The following SCRIB variants were observed in gnomAD, a reference collection of about 807,000 sequenced individuals.
SCRIB encodes the protein scribble planar cell polarity protein, also known as protein scribble homolog.
SCRIB carries 72 observed loss-of-function variants against 170.0 expected under a neutral mutation model. The observed-to-expected ratio is 0.42, with a 90% CI of 0.35 to 0.52. SCRIB has a LOEUF of 0.52. Ranked by LOEUF, SCRIB falls within the 20% of genes least tolerant of loss-of-function variation. The pLI is 0.02. For synonymous variants in SCRIB, 1,298 were observed against 1,044.3 expected (o/e 1.24, Z -4.68); for missense variants, 2,475 against 2,338.5 (o/e 1.06, Z -1.20).
chr8:143,812,809 A>C lies in SCRIB; in HGVS notation c.787+8T>G. On this transcript the variant is annotated splice_region_variant and intron_variant, in intron 8 of 36. Transcript: ENST00000356994. ...GTGCCCCACCCAGGCACCCCCAGGC[A>C]CACTAACCGATGCCGTCGGGCAGCC... The C allele has an allele frequency of 6.3e-7, 1 of 1,596,632 alleles. No individual in the cohort carries two copies. Among genetic ancestry groups the C allele is most frequent in the South Asian group, 1.1e-5 (1 of 90,984 alleles).
In SCRIB at chr8:143,806,454, C is replaced by G. The variant is rs1250272664; in HGVS notation, c.2299G>C (p.Gly767Arg). 6.2e-7 allele frequency: 1 copy of G among 1,604,834 alleles called. No homozygotes were observed. The highest frequency in any genetic ancestry group is 8.5e-7 in the Non-Finnish European group (1 of 1,175,664). Residue 767 changes from glycine to arginine, a missense_variant, in exon 18 of 37, where the codon GGC becomes CGC. Physicochemically the swap from Gly to Arg is moderately radical, Grantham distance 125 (BLOSUM62 -2). Transcript: ENST00000356994. The stretch of plus-strand genomic sequence containing the variant: ...CGGACTCCAGCCCGGGCCGCAGGGC[C>G]TTCCTCGGACACCCGAGAGATGAAT... ...GIFISRVSEEGPAARAGVRVG... is the reference protein window; with the variant it reads ...GIFISRVSEERPAARAGVRVG...
At chr8:143,808,209 G>A (rs1368060798) in intron 15 of SCRIB, among the ~76,000 whole-genome samples, 3 of 152,216 alleles carry the variant, frequency 2.0e-5, no homozygotes, top group Non-Finnish European at 4.4e-5. Context: ...CACAAAGAGT[G>A]GGCAGCCATG....
In SCRIB at chr8:143,800,038, C is replaced by A. The variant is rs1046328859; in HGVS notation, c.3603+3345G>T. 5.4e-4 allele frequency among the ~76,000 whole-genome samples: 69 copies of A among 128,374 alleles called. 1 individual carries two copies. Among genetic ancestry groups the A allele is most frequent in the Admixed American group, 2.2e-3 (28 of 12,916 alleles). 84.2% of individuals were successfully genotyped at this position (128,374 alleles called of 152,430 possible). On this transcript the variant is annotated intron_variant, in intron 24 of 36. Transcript: ENST00000356994. Reference sequence around the variant, plus strand: ...GGGTCATGAATTGAAGCCCCCCCCCCACCCCACCCATGCTCTGGAGTCAGA... The same window carrying A: ...GGGTCATGAATTGAAGCCCCCCCCCAACCCCACCCATGCTCTGGAGTCAGA...
rs751092829 is a variant in SCRIB, at chr8:143,809,725, C to T, written c.1531-7G>A. 16 of 1,606,506 alleles carry T rather than the reference C, an allele frequency of 1.0e-5. No homozygotes were observed. The highest frequency in any genetic ancestry group is 4.5e-5 in the East Asian group (2 of 44,826). ...CGGCACTCAGCCGCTTCTCCTGCGG[C>T]GGGAAGTGGGGTCAGGCTTCGACGG... is the stretch of plus-strand genomic sequence containing the variant. On this transcript the variant is annotated splice_polypyrimidine_tract_variant and splice_region_variant and intron_variant, in intron 13 of 36. Transcript: ENST00000356994.
rs1260516143 is a variant in SCRIB at position 143,815,631 on chromosome 8, C to A, written c.-259G>T. 2 of 982,524 alleles carry A rather than the reference C, an allele frequency of 2.0e-6. No homozygotes were observed. The highest frequency in any genetic ancestry group is 2.4e-6 in the Non-Finnish European group (2 of 828,716). The allele number at this position is 982,524 out of a possible 1,614,324, so 60.9% of individuals were successfully genotyped here. A position where few individuals can be genotyped will look rare whatever the true frequency, so the allele number is the denominator to read the frequency against. ...GAAGCGCGGGGAGCGGCGGCGGCGG[C>A]GGCTCCGCATCCCGCTTGGTCCTGC... On this transcript the variant is annotated 5_prime_UTR_variant, in exon 1 of 37. Coordinates refer to ENST00000356994, the MANE Select transcript of SCRIB (RefSeq NM_182706.5).
chr8:143,806,345 C>T, intron 18 of SCRIB, 62 bp downstream of exon 18: 2 of 1,340,240 alleles, frequency 1.5e-6, no homozygotes, highest in Non-Finnish European at 2.1e-6. Context: ...ACCCTAATAC[C>T]AGGGACCATG....
intron 1 of SCRIB, among the ~76,000 whole-genome samples, chr8:143,814,631 C>T (rs1054105865): frequency 2.0e-5 from 3 of 152,246 alleles, no homozygotes; most frequent in African/African-American, 7.2e-5. Context: ...GGGTCACATT[C>T]TTTGGGACAC....
Position 143,803,371 on chromosome 8 carries a change from G to A in SCRIB, c.3603+12C>T, listed in dbSNP as rs571224989. The A allele has an allele frequency of 1.2e-5, 18 of 1,551,908 alleles. No individual in the cohort carries two copies. In the East Asian group the frequency reaches 1.2e-4, roughly 10 times the overall value. Reference sequence around the variant, plus strand: ...CAGAGGGAGGCCCGGTCCCCGGGGCGGGATCGCTAACCTCCAGGGCTGCGT... The same window carrying A: ...CAGAGGGAGGCCCGGTCCCCGGGGCAGGATCGCTAACCTCCAGGGCTGCGT... On this transcript the variant is annotated intron_variant, in intron 24 of 36. Coordinates refer to ENST00000356994, the MANE Select transcript of SCRIB (RefSeq NM_182706.5).
chr8:143,792,323 G>A lies in SCRIB; in HGVS notation c.4411C>T (p.Leu1471=). 6.5e-7 allele frequency: 1 copy of A among 1,550,024 alleles called. No individual in the cohort carries two copies. The highest frequency in any genetic ancestry group is 8.7e-7 in the Non-Finnish European group (1 of 1,154,682). The change falls in exon 32 of 37, where the codon CTG becomes TTG. Residue 1471 remains leucine (L), a synonymous_variant. Coordinates refer to ENST00000356994, the MANE Select transcript of SCRIB (RefSeq NM_182706.5). ...GGTGGCTCCGGACTCTGCACGCGCAGCCGCTCCTGGTGGCGCCGTTCAGCT... is the reference window on the plus strand; with the variant it reads ...GGTGGCTCCGGACTCTGCACGCGCAACCGCTCCTGGTGGCGCCGTTCAGCT... ...AKAERRHQER[L]RVQSPEPPAP... is the part of the protein sequence containing the mutation.
chr8:143,791,885 C>T lies in SCRIB; in HGVS notation c.4686G>A (p.Pro1562=), dbSNP rs782007188. Residue 1562 remains proline (P), a synonymous_variant, in exon 34 of 37, where the codon CCG becomes CCA. Transcript: ENST00000356994. ...GCCACCGGCTCCTCACCAGGCGTCCCGGGGAGGTGCTGGTCTGGGGGCCGA... is the reference window on the plus strand; with the variant it reads ...GCCACCGGCTCCTCACCAGGCGTCCTGGGGAGGTGCTGGTCTGGGGGCCGA... ...EDLGPQTSTS[P]GRLPLSGKKF... The T allele has an allele frequency of 2.6e-5, 39 of 1,501,290 alleles. No homozygotes were observed. Among genetic ancestry groups the T allele is most frequent in the Middle Eastern group, 1.8e-4 (1 of 5,508 alleles). The allele number at this position is 1,501,290 out of a possible 1,614,324, so 93.0% of individuals were successfully genotyped here. A position where few individuals can be genotyped will look rare whatever the true frequency, so the allele number is the denominator to read the frequency against.
chr8:143,811,912 G>A (rs1297386717), intron 9 of SCRIB, among the ~76,000 whole-genome samples: 1 of 152,188 alleles, frequency 6.6e-6, no homozygotes, highest in East Asian at 1.9e-4. Context: ...CCTGCTTTGT[G>A]AGGGGCAGGC....
Position 143,792,996 on chromosome 8 carries a change from G to T in SCRIB, c.3997C>A (p.Pro1333Thr). Reference protein sequence around the residue: ...AFAAVPTSHPPEDAPAQPPTP... With the variant: ...AFAAVPTSHPTEDAPAQPPTP... ...CACACCTGGGCAGGGGCATCCTCAG[G>T]CGGGTGAGAAGTGGGCACGGCCGCG... The change falls in exon 29 of 37, where the codon CCT (proline) becomes ACT (threonine). Residue 1333 changes from proline to threonine, a missense_variant. Around this residue, in one of 3 missense-constraint regions of SCRIB, gnomAD observed 1,966 missense variants for 1,742.9 expected, o/e 1.13. Coordinates refer to ENST00000356994, the MANE Select transcript of SCRIB (RefSeq NM_182706.5). The T allele has an allele frequency of 6.6e-7, 1 of 1,514,048 alleles. No homozygotes were observed. Among genetic ancestry groups the T allele is most frequent in the Non-Finnish European group, 8.9e-7 (1 of 1,129,456 alleles). 93.8% of individuals were successfully genotyped at this position (1,514,048 alleles called of 1,614,324 possible). A position where few individuals can be genotyped will look rare whatever the true frequency, so the allele number is the denominator to read the frequency against.
intron 24 of SCRIB, among the ~76,000 whole-genome samples, chr8:143,799,857 G>A (rs1378637113): frequency 6.6e-6 from 1 of 152,136 alleles, no homozygotes; most frequent in African/African-American, 2.4e-5. Flanking sequence ...CTGCTCCAGA[G>A]TGCTAGGGAC....
intron 18 of SCRIB, among the ~76,000 whole-genome samples, chr8:143,805,859 G>A (rs782096743): frequency 1.3e-5 from 2 of 152,222 alleles, no homozygotes; most frequent in African/African-American, 2.4e-5. Context: ...AGCAGCAGAC[G>A]CAGCATATGA....
intron 1 of SCRIB, chr8:143,814,997 A>G: frequency 1.9e-6 from 1 of 523,688 alleles, no homozygotes; most frequent in South Asian, 2.9e-5. Flanking sequence ...CTCGGTGACA[A>G]TCGCTATCCC....
At chr8:143,813,562 G>A (rs555280548) in intron 4 of SCRIB, 36 bp from the exon 5 acceptor site, 61 of 1,613,154 alleles carry the variant, frequency 3.8e-5, no homozygotes, top group Non-Finnish European at 4.9e-5. Context: ...CAAGAGGAAG[G>A]AAAGCAGTGG....
intron 24 of SCRIB, among the ~76,000 whole-genome samples, chr8:143,799,309 G>A (rs1815075486): frequency 6.6e-6 from 1 of 152,170 alleles, no homozygotes; most frequent in African/African-American, 2.4e-5. Context: ...CAAAAGAAAG[G>A]GCAGTCTCTT....
At chr8:143,797,698 G>A (rs1039421649) in intron 24 of SCRIB, among the ~76,000 whole-genome samples, 25 of 152,344 alleles carry the variant, frequency 1.6e-4, no homozygotes, top group African/African-American at 4.6e-4. Context: ...CAGACCCAGC[G>A]TGGGGGCAGT....
At position 143,808,681 on chromosome 8, in the gene SCRIB, CCT is replaced by C; in HGVS notation, c.2041_2042del (p.Arg681GlyfsTer2). ...CAGTGCTGGCCTCTTCCTCTTCAGC[CCT>C]GTTTTCCTCCTCCTCCTCTTCCTCC... ...EEEEEEEEEN[R>X]AEEEEASTEE... On this transcript the variant is annotated frameshift_variant, in exon 15 of 37. Coordinates refer to ENST00000356994, the MANE Select transcript of SCRIB (RefSeq NM_182706.5). LOFTEE classifies it high-confidence loss of function. 3.2e-6 allele frequency: 5 copies of C among 1,543,666 alleles called. No individual in the cohort carries two copies. The highest frequency in any genetic ancestry group is 4.4e-6 in the Non-Finnish European group (5 of 1,147,966).
Sources: allele counts gnomAD v4.1 joint callset (sites outside exome capture counted in the v4.1 genomes callset), GRCh38; gene constraint gnomAD v4.1.1; regional missense constraint gnomAD v4.1.1; transcripts MANE v1.5; gene names NCBI Gene and HGNC (gene_info 2026-07-23, HGNC 2026-07-21).